GPC5: variants seen among roughly 807,000 people sequenced by gnomAD.
GPC5 encodes glypican 5.
In GPC5, 47 loss-of-function variants were observed where a neutral mutation model predicts 53.9. That is an observed-to-expected ratio of 0.87 (90% CI 0.69 to 1.11). GPC5 has a LOEUF of 1.11. Among genes scored for constraint, GPC5 ranks in the 50% most tolerant of loss-of-function variants. The pLI is 0.00. For synonymous variants in GPC5, 286 were observed against 263.3 expected, an observed-to-expected ratio of 1.09 and a Z score of -0.84; for missense variants, 748 against 713.1, an observed-to-expected ratio of 1.05 and a Z score of -0.56.
rs1285027910 is a variant in GPC5, at chr13:91,398,870, C to G, written c.-177C>G. The G allele has an allele frequency of 1.3e-5, 9 of 667,040 alleles. No individual in the cohort carries two copies. The Admixed American group carries it at 2.0e-4, about 15-fold the overall frequency. 41.3% of individuals were successfully genotyped at this position (667,040 alleles called of 1,614,324 possible). A position where few individuals can be genotyped will look rare whatever the true frequency, so the allele number is the denominator to read the frequency against. Reference sequence around the variant, plus strand: ...TGGTGTCTCAGCTTAGGGCCTCCTCCGGGAAGAGCTAACTGCTCCCAGGTG... The same window carrying G: ...TGGTGTCTCAGCTTAGGGCCTCCTCGGGGAAGAGCTAACTGCTCCCAGGTG... On this transcript the variant is annotated 5_prime_UTR_variant, in exon 1 of 8. Coordinates refer to ENST00000377067, the MANE Select transcript of GPC5 (RefSeq NM_004466.6).
intron 7 of GPC5, among the ~76,000 whole-genome samples, chr13:92,321,829 G>A (rs945293666): frequency 1.1e-4 from 16 of 152,068 alleles, no homozygotes; most frequent in Non-Finnish European, 2.1e-4. Context: ...TTGTAGAGGA[G>A]TTTGAGAAAA....
chr13:91,593,917 A>G (rs902796213), intron 2 of GPC5, among the ~76,000 whole-genome samples: 7 of 152,198 alleles, frequency 4.6e-5, no homozygotes, highest in Non-Finnish European at 8.8e-5. Flanking sequence ...GAACTAAAAA[A>G]AAAAAAAAAG....
At chr13:92,136,641 G>GA (rs1267400566) in intron 6 of GPC5, among the ~76,000 whole-genome samples, 2 of 152,202 alleles carry the variant, frequency 1.3e-5, no homozygotes, top group East Asian at 3.9e-4. Flanking sequence ...AAGAGGAAGG[G>GA]AAAAATGGAG....
intron 7 of GPC5, among the ~76,000 whole-genome samples, chr13:92,317,234 G>C (rs1477110709): frequency 6.6e-6 from 1 of 152,102 alleles, no homozygotes; most frequent in East Asian, 1.9e-4. Flanking sequence ...TAGATAGTGT[G>C]CCTTTGACAT....
intron 7 of GPC5, among the ~76,000 whole-genome samples, chr13:92,738,650 T>C (rs545838694): frequency 6.6e-6 from 1 of 152,262 alleles, no homozygotes; most frequent in African/African-American, 2.4e-5. Flanking sequence ...ACTCTTGATA[T>C]AGCCGTAACT....
chr13:91,481,147 G>T (rs1883278719), intron 2 of GPC5, among the ~76,000 whole-genome samples: 1 of 152,102 alleles, frequency 6.6e-6, no homozygotes, highest in African/African-American at 2.4e-5. Context: ...GACTACATTT[G>T]TTTTTTCTGC....
At chr13:92,664,787 A>G (rs760124097) in intron 7 of GPC5, among the ~76,000 whole-genome samples, 10 of 152,154 alleles carry the variant, frequency 6.6e-5, no homozygotes, top group Non-Finnish European at 1.3e-4. Context: ...GCAGATTAAA[A>G]TGCTCACTTC....
chr13:92,297,007 A>G (rs1404052742), intron 7 of GPC5, among the ~76,000 whole-genome samples: 2 of 152,132 alleles, frequency 1.3e-5, no homozygotes, highest in Non-Finnish European at 2.9e-5. Context: ...CCCCTGCTCC[A>G]TGGCACCCAG....
chr13:91,746,839 A>G (rs1213543122), intron 4 of GPC5, among the ~76,000 whole-genome samples: 1 of 152,202 alleles, frequency 6.6e-6, no homozygotes, highest in Non-Finnish European at 1.5e-5. Context: ...CTATTTATTA[A>G]CCTGAAAGGG....
intron 7 of GPC5, among the ~76,000 whole-genome samples, chr13:92,741,403 C>A (rs921583205): frequency 6.6e-6 from 1 of 151,820 alleles, no homozygotes; most frequent in African/African-American, 2.4e-5. Flanking sequence ...AGAGAGTCCC[C>A]ATGAACAAGG....
chr13:92,816,415 A>C (rs1291509128), intron 7 of GPC5, among the ~76,000 whole-genome samples: 1 of 152,012 alleles, frequency 6.6e-6, no homozygotes, highest in African/African-American at 2.4e-5. Context: ...GAATGAAAGA[A>C]AAGAGGAAAA....
At chr13:92,391,268 C>G (rs879581686) in intron 7 of GPC5, among the ~76,000 whole-genome samples, 3 of 152,052 alleles carry the variant, frequency 2.0e-5, no homozygotes, top group Admixed American at 1.3e-4. Flanking sequence ...ACTAATTTCT[C>G]AGGTACAAAG....
At chr13:92,119,050 T>G (rs1158295090) in intron 6 of GPC5, among the ~76,000 whole-genome samples, 2 of 152,196 alleles carry the variant, frequency 1.3e-5, no homozygotes, top group African/African-American at 4.8e-5. Context: ...GACTGGGTAA[T>G]TTATAAAGGA....
At chr13:91,584,199 C>G (rs2032475528) in intron 2 of GPC5, among the ~76,000 whole-genome samples, 2 of 152,118 alleles carry the variant, frequency 1.3e-5, no homozygotes, top group African/African-American at 4.8e-5. Context: ...CTCCAGAATT[C>G]TGAGAAAATA....
chr13:92,273,350 C>A (rs1246099816), intron 7 of GPC5, among the ~76,000 whole-genome samples: 1 of 152,072 alleles, frequency 6.6e-6, no homozygotes, highest in African/African-American at 2.4e-5. Flanking sequence ...CTGAGTCCAT[C>A]TCTAATCTCC....
intron 1 of GPC5, among the ~76,000 whole-genome samples, chr13:91,445,216 T>C (rs1020318789): frequency 6.6e-6 from 1 of 152,214 alleles, no homozygotes; most frequent in African/African-American, 2.4e-5. Context: ...AAATCCAGAT[T>C]GCTAGTATTA....
chr13:92,807,534 G>A (rs910141555), intron 7 of GPC5, among the ~76,000 whole-genome samples: 3 of 152,014 alleles, frequency 2.0e-5, no homozygotes, highest in Non-Finnish European at 4.4e-5. Context: ...TTTGTTGGCT[G>A]CTTATCATTT....
chr13:91,836,860 C>T (rs1306369485), intron 5 of GPC5, among the ~76,000 whole-genome samples: 2 of 151,008 alleles, frequency 1.3e-5, no homozygotes, highest in Non-Finnish European at 3.0e-5. Context: ...TATAATTATG[C>T]TCAAATAAGA....
intron 5 of GPC5, among the ~76,000 whole-genome samples, chr13:91,887,071 C>A (rs1481197818): frequency 1.3e-5 from 2 of 152,158 alleles, no homozygotes; most frequent in African/African-American, 4.8e-5. Context: ...CCCTGTGCCC[C>A]CCAACAGCAA....
Sources: gnomAD v4.1 joint callset for allele counts (sites outside exome capture counted in the v4.1 genomes callset) on GRCh38, gnomAD v4.1.1 for gene constraint, MANE v1.5 for transcripts, NCBI Gene and HGNC (gene_info 2026-07-23, HGNC 2026-07-21) for gene names.